Variants in FAM193A observed in about 807,000 individuals in gnomAD.
FAM193A encodes protein FAM193A.
In FAM193A, 22 loss-of-function variants were observed where a neutral mutation model predicts 126.5. That is an observed-to-expected ratio of 0.17 (90% CI 0.12 to 0.25). FAM193A has a LOEUF of 0.25. FAM193A is among the 10% of genes least tolerant of loss of function. FAM193A has a pLI of 1.00. For synonymous variants in FAM193A, 761 were observed against 646.8 expected (o/e 1.18, Z -2.68); for missense variants, 1,675 against 1,672.8 (o/e 1.00, Z -0.02).
At chr4:2,561,497 CTTT>C (rs34320054) in intron 1 of FAM193A, among the ~76,000 whole-genome samples, 7 of 117,540 alleles carry the variant, frequency 6.0e-5, no homozygotes, top group Admixed American at 9.1e-5. Flanking sequence ...GTAGAGATTT[CTTT>C]TTTTTTTTTT....
intron 5 of FAM193A, among the ~76,000 whole-genome samples, chr4:2,632,873 A>G (rs1167430483): frequency 9.2e-5 from 14 of 152,034 alleles, no homozygotes; most frequent in Admixed American, 8.5e-4. Context: ...TCTGTCTTCT[A>G]CAAGAACACT....
intron 1 of FAM193A, among the ~76,000 whole-genome samples, chr4:2,556,791 C>A (rs769524120): frequency 2.0e-5 from 3 of 152,138 alleles, no homozygotes; most frequent in Non-Finnish European, 4.4e-5. Flanking sequence ...TTTTCCCTTA[C>A]GTAAGTTAAT....
At chr4:2,680,095 A>G (rs1209097353) in intron 13 of FAM193A, among the ~76,000 whole-genome samples, 1 of 152,030 alleles carries the variant, frequency 6.6e-6, no homozygotes, top group African/African-American at 2.4e-5. Flanking sequence ...TCCTGACCTC[A>G]GGTTATCCAC....
chr4:2,649,561 A>G (rs1304186428), intron 7 of FAM193A, among the ~76,000 whole-genome samples: 1 of 151,176 alleles, frequency 6.6e-6, no homozygotes, highest in Non-Finnish European at 1.5e-5. Flanking sequence ...GGTTTCAGCT[A>G]CTCGGGAGGC....
intron 13 of FAM193A, among the ~76,000 whole-genome samples, chr4:2,674,905 T>C (rs1714227011): frequency 6.6e-6 from 1 of 152,004 alleles, no homozygotes; most frequent in Non-Finnish European, 1.5e-5. Flanking sequence ...AGTGTCTCCA[T>C]ACCAGTGACA....
chr4:2,594,111 T>G (rs940915584), intron 1 of FAM193A, among the ~76,000 whole-genome samples: 3 of 152,194 alleles, frequency 2.0e-5, no homozygotes, highest in Admixed American at 6.5e-5. Flanking sequence ...GATCACTGGT[T>G]CATGGAAACA....
At chr4:2,598,271 G>A (rs1740985278) in intron 2 of FAM193A, among the ~76,000 whole-genome samples, 1 of 152,126 alleles carries the variant, frequency 6.6e-6, no homozygotes, top group Non-Finnish European at 1.5e-5. Context: ...ATGCTTTTGA[G>A]AGTTACCCAA....
At chr4:2,678,050 A>G (rs1392429302) in intron 13 of FAM193A, among the ~76,000 whole-genome samples, 1 of 152,024 alleles carries the variant, frequency 6.6e-6, no homozygotes, top group Non-Finnish European at 1.5e-5. Context: ...CCAGGCTGGA[A>G]TGCAGTGGCA....
At chr4:2,708,589 A>G (rs958693072) in intron 19 of FAM193A, among the ~76,000 whole-genome samples, 10 of 151,988 alleles carry the variant, frequency 6.6e-5, no homozygotes, top group Non-Finnish European at 1.0e-4. Context: ...CGGCCTCCCA[A>G]GTAGCTGGGA....
At chr4:2,725,921 T>C (rs1577283899) in intron 20 of FAM193A, among the ~76,000 whole-genome samples, 1 of 151,764 alleles carries the variant, frequency 6.6e-6, no homozygotes, top group Admixed American at 6.6e-5. Flanking sequence ...TTTTTTGAGA[T>C]GGAGTCTCGC....
chr4:2,617,971 C>A (rs1330176070), intron 2 of FAM193A, among the ~76,000 whole-genome samples: 1 of 152,122 alleles, frequency 6.6e-6, no homozygotes, highest in East Asian at 1.9e-4. Context: ...TTTAACATTT[C>A]CTGTAGGCCA....
At chr4:2,710,897 G>C (rs1222596887) in intron 19 of FAM193A, among the ~76,000 whole-genome samples, 2 of 147,354 alleles carry the variant, frequency 1.4e-5, no homozygotes, top group Non-Finnish European at 3.0e-5. Flanking sequence ...TTTCGCCCAG[G>C]CTGGAGTGCA....
chr4:2,548,478 A>G (rs1737705900), intron 1 of FAM193A, among the ~76,000 whole-genome samples: 2 of 151,604 alleles, frequency 1.3e-5, no homozygotes, highest in Admixed American at 1.3e-4. Context: ...TTTTGTTGAG[A>G]CAGTGTCTCA....
chr4:2,699,445 C>CA lies in FAM193A; in HGVS notation c.3508-235_3508-234insA, dbSNP rs1188898592. ...TTTTTTGTTAACTACCACCCCCCCC[C>CA]CCACACACACACACACAAATAAGTA... is the stretch of plus-strand genomic sequence containing the variant. On this transcript the variant is annotated intron_variant, in intron 18 of 20. Transcript: ENST00000637812. Among the ~76,000 whole-genome samples, 572 of 87,212 alleles carry CA rather than the reference C, an allele frequency of 6.6e-3. 53 individuals carry two copies. The highest frequency in any genetic ancestry group is 0.023 in the South Asian group (46 of 1,976). 57.2% of individuals were successfully genotyped at this position (87,212 alleles called of 152,430 possible).
chr4:2,714,077 C>A (rs1165280599), intron 19 of FAM193A, among the ~76,000 whole-genome samples: 1 of 152,164 alleles, frequency 6.6e-6, no homozygotes, highest in Non-Finnish European at 1.5e-5. Flanking sequence ...CATGCCAGCT[C>A]TTTTTCCTCC....
At chr4:2,704,682 C>G (rs1353068803) in intron 19 of FAM193A, among the ~76,000 whole-genome samples, 3 of 152,204 alleles carry the variant, frequency 2.0e-5, no homozygotes, top group African/African-American at 7.2e-5. Context: ...ATCTGAGTGC[C>G]TGTTTGGCCA....
chr4:2,695,941 C>T (rs1716982977), intron 17 of FAM193A, among the ~76,000 whole-genome samples: 1 of 152,074 alleles, frequency 6.6e-6, no homozygotes, highest in Non-Finnish European at 1.5e-5. Context: ...CAGCACACCC[C>T]TGCTTGAGCT....
At position 2,699,962 on chromosome 4, in the gene FAM193A, C is replaced by T. The variant is rs1717515487; in HGVS notation, c.3790C>T (p.Leu1264=). The change falls in exon 19 of 21, where the codon CTA becomes TTA. Residue 1264 remains leucine, a synonymous_variant. Coordinates refer to ENST00000637812, the MANE Select transcript of FAM193A (RefSeq NM_001366318.2). ...PNSGNIHNGS[L]EQTEEPETSS... ...CTCTGGAAACATCCACAATGGCTCACTAGAGCAAACTGAAGAACCAGAAAC... is the reference window on the plus strand; with the variant it reads ...CTCTGGAAACATCCACAATGGCTCATTAGAGCAAACTGAAGAACCAGAAAC... 2 of 1,613,994 alleles carry T rather than the reference C, an allele frequency of 1.2e-6. No individual in the cohort carries two copies. Among genetic ancestry groups the T allele is most frequent in the East Asian group, 4.5e-5 (2 of 44,852 alleles).
At chr4:2,720,679 T>C (rs1341950039) in intron 20 of FAM193A, among the ~76,000 whole-genome samples, 6 of 151,816 alleles carry the variant, frequency 4.0e-5, no homozygotes, top group African/African-American at 1.5e-4. Context: ...TATTTTTCTC[T>C]ATACCCACAC....
Sources: allele counts gnomAD v4.1 joint callset (sites outside exome capture counted in the v4.1 genomes callset), GRCh38; gene constraint gnomAD v4.1.1; transcripts MANE v1.5; gene names NCBI Gene and HGNC (gene_info 2026-07-23, HGNC 2026-07-21).